ATXN1: variants seen among roughly 807,000 people sequenced by gnomAD.
ATXN1 encodes ataxin 1.
ATXN1 carries 8 observed loss-of-function variants against 56.4 expected under a neutral mutation model. The observed-to-expected ratio is 0.14, with a 90% CI of 0.08 to 0.26. The LOEUF (loss-of-function observed/expected upper bound fraction) is 0.26. ATXN1 is among the 10% of genes least tolerant of loss of function. The pLI is 1.00. For synonymous variants in ATXN1, 514 were observed against 494.6 expected (o/e 1.04, Z -0.52); for missense variants, 987 against 1,106.5 (o/e 0.89, Z 1.53).
chr6:16,758,563 A>G (rs1199345267), intron 1 of ATXN1, among the ~76,000 whole-genome samples: 1 of 152,220 alleles, frequency 6.6e-6, no homozygotes, highest in African/African-American at 2.4e-5. Flanking sequence ...GATGCAATTG[A>G]AATAGTGGAG....
rs914534611 is a variant in ATXN1, at chr6:16,327,228, C to G, written c.1083G>C (p.Val361=). The G allele has an allele frequency of 1.2e-6, 2 of 1,613,568 alleles. No individual in the cohort carries two copies. The highest frequency in any genetic ancestry group is 1.7e-6 in the Non-Finnish European group (2 of 1,179,694). Residue 361 remains valine, a synonymous_variant, in exon 7 of 8, where the codon GTG becomes GTC. Coordinates refer to ENST00000436367, the MANE Select transcript of ATXN1 (RefSeq NM_001128164.2). The part of the protein sequence containing the change: ...SVPHPYESRH[V]VVHPSPSDYS... ...AGTCTGAGGGGCTCGGGTGGACCAC[C>G]ACGTGCCTGGACTCGTACGGGTGAG...
chr6:16,422,705 T>A (rs888055247), intron 6 of ATXN1, among the ~76,000 whole-genome samples: 1 of 152,186 alleles, frequency 6.6e-6, no homozygotes, highest in African/African-American at 2.4e-5. Flanking sequence ...AAAGATTCAG[T>A]GAAGAATCCT....
intron 2 of ATXN1, among the ~76,000 whole-genome samples, chr6:16,691,611 T>C (rs11754887): frequency 0.32 from 48,621 of 152,036 alleles, 7,887 homozygotes; most frequent in Non-Finnish European, 0.35. Flanking sequence ...CAGGCTGAAG[T>C]ACAATGTCAA....
At chr6:16,458,839 A>G (rs1379644643) in intron 6 of ATXN1, among the ~76,000 whole-genome samples, 1 of 152,364 alleles carries the variant, frequency 6.6e-6, no homozygotes, top group East Asian at 1.9e-4. Flanking sequence ...CCGGGCCAGA[A>G]GCCCCCAACC....
chr6:16,516,546 A>G (rs1761186588), intron 5 of ATXN1, among the ~76,000 whole-genome samples: 1 of 152,156 alleles, frequency 6.6e-6, no homozygotes, highest in Admixed American at 6.5e-5. Flanking sequence ...TGCATCATGG[A>G]GTTATGCATG....
chr6:16,618,558 C>T (rs1330666617), intron 3 of ATXN1, among the ~76,000 whole-genome samples: 2 of 152,118 alleles, frequency 1.3e-5, no homozygotes, highest in African/African-American at 4.8e-5. Flanking sequence ...TGGCGAAACC[C>T]CATCTCTACT....
At chr6:16,345,752 G>C (rs1234067162) in intron 6 of ATXN1, among the ~76,000 whole-genome samples, 1 of 152,154 alleles carries the variant, frequency 6.6e-6, no homozygotes, top group Non-Finnish European at 1.5e-5. Flanking sequence ...ACAATGGGAT[G>C]ACTCGCTACC....
chr6:16,687,209 T>C (rs966269843), intron 2 of ATXN1, among the ~76,000 whole-genome samples: 1 of 152,214 alleles, frequency 6.6e-6, no homozygotes, highest in Non-Finnish European at 1.5e-5. Context: ...GAAAAACCTC[T>C]TCCTCTCCAA....
At chr6:16,724,138 C>T (rs540901338) in intron 2 of ATXN1, among the ~76,000 whole-genome samples, 2 of 152,312 alleles carry the variant, frequency 1.3e-5, no homozygotes, top group African/African-American at 4.8e-5. Context: ...GTACATACTT[C>T]ATTGTCTTAA....
chr6:16,598,169 ATGG>A (rs1270580072), intron 3 of ATXN1, among the ~76,000 whole-genome samples: 1 of 152,234 alleles, frequency 6.6e-6, no homozygotes, highest in Non-Finnish European at 1.5e-5. Flanking sequence ...AAAGAAATAA[ATGG>A]TGAAGACATT....
rs1760119540 is a variant in ATXN1 at position 16,302,035 on chromosome 6, A to G, written c.*4294T>C. 6.5e-6 allele frequency: 1 copy of G among 152,700 alleles called. No homozygotes were observed. The highest frequency in any genetic ancestry group is 2.4e-5 in the African/African-American group (1 of 41,468). 9.5% of individuals were successfully genotyped at this position (152,700 alleles called of 1,614,324 possible). A position where few individuals can be genotyped will look rare whatever the true frequency, so the allele number is the denominator to read the frequency against. ...AAAGATCAAACTGTGCAAAGAGTGG[A>G]TTTTATGATTACTAGGAGCTACTGT... is the stretch of plus-strand genomic sequence containing the variant. On this transcript the variant is annotated 3_prime_UTR_variant, in exon 8 of 8. Coordinates refer to ENST00000436367, the MANE Select transcript of ATXN1 (RefSeq NM_001128164.2).
At chr6:16,331,375 G>C (rs897192905) in intron 6 of ATXN1, among the ~76,000 whole-genome samples, 7 of 152,124 alleles carry the variant, frequency 4.6e-5, no homozygotes, top group African/African-American at 7.2e-5. Flanking sequence ...TTCTAATAAT[G>C]AACTTTTATC....
chr6:16,583,639 T>C (rs236969), intron 4 of ATXN1, among the ~76,000 whole-genome samples: 118,546 of 152,182 alleles, frequency 0.78, 46,532 homozygotes, highest in East Asian at 0.89. Context: ...TAGGCAGCCC[T>C]GGCTGGGAAG....
At chr6:16,720,067 TC>T (rs1460084873) in intron 2 of ATXN1, among the ~76,000 whole-genome samples, 1 of 152,184 alleles carries the variant, frequency 6.6e-6, no homozygotes, top group Non-Finnish European at 1.5e-5. Context: ...AGCCTCTAGA[TC>T]AATTCAAAGG....
At chr6:16,439,960 A>G (rs1251114552) in intron 6 of ATXN1, among the ~76,000 whole-genome samples, 2 of 151,968 alleles carry the variant, frequency 1.3e-5, no homozygotes, top group Non-Finnish European at 2.9e-5. Flanking sequence ...CTGTAATCCC[A>G]GCTACTCGGG....
At chr6:16,457,814 T>C (rs1228844928) in intron 6 of ATXN1, among the ~76,000 whole-genome samples, 1 of 152,094 alleles carries the variant, frequency 6.6e-6, no homozygotes, top group Non-Finnish European at 1.5e-5. Context: ...ATCTCCTCCA[T>C]CCAGAAGGAA....
chr6:16,581,905 A>G (rs928098113), intron 4 of ATXN1, among the ~76,000 whole-genome samples: 5 of 152,342 alleles, frequency 3.3e-5, no homozygotes, highest in African/African-American at 4.8e-5. Context: ...GTAGAGTTAT[A>G]AAAAGTAAAA....
chr6:16,746,900 C>T (rs1184089663), intron 2 of ATXN1, among the ~76,000 whole-genome samples: 1 of 151,920 alleles, frequency 6.6e-6, no homozygotes, highest in Non-Finnish European at 1.5e-5. Context: ...ATAGAAGAGT[C>T]CCGAGAGATC....
rs1003328031 is a variant in ATXN1, at chr6:16,326,061, C to T, written c.1917+333G>A. On this transcript the variant is annotated intron_variant, in intron 7 of 7. Transcript: ENST00000436367. This position sits in a 1 kb window ranked among gnomAD's most constrained non-coding sequence, Gnocchi z 6.6. The stretch of plus-strand genomic sequence containing the variant: ...AAGTGCCGAATGACCACTAGAAGGA[C>T]CTGAAGTCCAGCAGCGTTTCCTAAT... Among the ~76,000 whole-genome samples, 22 of 152,184 alleles carry T rather than the reference C, an allele frequency of 1.4e-4. No homozygotes were observed. The highest frequency in any genetic ancestry group is 5.3e-4 in the African/African-American group (22 of 41,440).
Sources: gnomAD v4.1 joint callset for allele counts (sites outside exome capture counted in the v4.1 genomes callset) on GRCh38, gnomAD v4.1.1 for gene constraint, Gnocchi (gnomAD v3.1) non-coding constraint, MANE v1.5 for transcripts, NCBI Gene and HGNC (gene_info 2026-07-23, HGNC 2026-07-21) for gene names.